Variants in BRD8 observed in about 807,000 individuals in gnomAD.
The protein encoded by BRD8 is bromodomain containing 8.
A neutral mutation model predicts 143.1 loss-of-function variants in BRD8; 67 were observed. The observed-to-expected ratio is 0.47, with a 90% CI of 0.38 to 0.57. BRD8 has a LOEUF of 0.57. Ranked by LOEUF, BRD8 falls within the 20% of genes least tolerant of loss-of-function variation. BRD8 has a pLI of 0.00. For missense variants in BRD8, 1,103 were observed against 1,503.0 expected, an observed-to-expected ratio of 0.73 and a Z score of 4.40; for synonymous variants, 505 against 517.1, an observed-to-expected ratio of 0.98 and a Z score of 0.32.
chr5:138,163,557 TA>T, intron 14 of BRD8: 1 of 1,473,028 alleles, frequency 6.8e-7, no homozygotes, highest in Non-Finnish European at 9.0e-7. Context: ...CAGGATCTTT[TA>T]AAAAGAAAGA....
chr5:138,161,587 G>A (rs1258677919), intron 17 of BRD8, among the ~76,000 whole-genome samples: 2 of 152,186 alleles, frequency 1.3e-5, no homozygotes, highest in African/African-American at 2.4e-5. Flanking sequence ...AAAGATTACA[G>A]GCGTGAGCCA....
Position 138,150,962 on chromosome 5 carries a change from C to T in BRD8, c.2903G>A (p.Ser968Asn), listed in dbSNP as rs761468751. The T allele has an allele frequency of 1.2e-6, 2 of 1,614,064 alleles. No homozygotes were observed. Among genetic ancestry groups the T allele is most frequent in the South Asian group, 1.1e-5 (1 of 91,068 alleles). Residue 968 changes from serine to asparagine, a missense_variant, in exon 22 of 27, where the codon AGT (serine) becomes AAT (asparagine). By Grantham distance (46) the Ser-to-Asn change is conservative. Coordinates refer to ENST00000254900, the MANE Select transcript of BRD8 (RefSeq NM_139199.2). Reference protein sequence around the residue: ...EPLCISSNESSEGCCPPSGTR... With the variant: ...EPLCISSNESNEGCCPPSGTR... ...ACCAGATGGAGGGCAGCAGCCTTCA[C>T]TTGATTCGTTGCTGCTGATGCACAA...
intron 25 of BRD8, among the ~76,000 whole-genome samples, chr5:138,142,612 A>C (rs1407732445): frequency 6.6e-6 from 1 of 151,798 alleles, no homozygotes; most frequent in Non-Finnish European, 1.5e-5. Flanking sequence ...AAAATACAAA[A>C]ATTAGCTGGG....
chr5:138,157,256 G>C, intron 20 of BRD8: 1 of 1,613,746 alleles, frequency 6.2e-7, no homozygotes, highest in Non-Finnish European at 8.5e-7. Flanking sequence ...GGCGTCCCCT[G>C]GTTCCTCCAT....
intron 5 of BRD8, 24 bp from the exon 6 acceptor site, chr5:138,170,936 T>G: frequency 6.2e-7 from 1 of 1,613,140 alleles, no homozygotes; most frequent in Non-Finnish European, 8.5e-7. Flanking sequence ...GAGAGGTAGG[T>G]AGACTGGGTT....
At chr5:138,150,197 A>C (rs1003492557) in intron 22 of BRD8, among the ~76,000 whole-genome samples, 3 of 148,214 alleles carry the variant, frequency 2.0e-5, no homozygotes, top group Non-Finnish European at 3.0e-5. Flanking sequence ...GGCTCACTGC[A>C]GCCTTGCACT....
intron 20 of BRD8, chr5:138,157,377 G>C: frequency 7.0e-7 from 1 of 1,431,546 alleles, no homozygotes; most frequent in Non-Finnish European, 9.7e-7. Context: ...AAGAGAATCA[G>C]CAGAAAAATC....
At position 138,165,065 on chromosome 5, in the gene BRD8, C is replaced by A. The variant is rs759369902; in HGVS notation, c.1380G>T (p.Glu460Asp). Residue 460 changes from glutamate (E) to aspartate (D), a missense_variant, in exon 12 of 27, where the codon GAG becomes GAT. Transcript: ENST00000254900. Reference sequence around the variant, plus strand: ...TGTCCCGCTCCTGCTGGATAGGATGCTCCCAGGGGCCAGGCAGGGACTGAG... The same window carrying A: ...TGTCCCGCTCCTGCTGGATAGGATGATCCCAGGGGCCAGGCAGGGACTGAG... ...DDPQSLPGPWEHPIQQERDKP... is the reference protein window; with the variant it reads ...DDPQSLPGPWDHPIQQERDKP... 6.2e-7 allele frequency: 1 copy of A among 1,614,112 alleles called. No homozygotes were observed. Among genetic ancestry groups the A allele is most frequent in the East Asian group, 2.2e-5 (1 of 44,880 alleles).
intron 20 of BRD8, chr5:138,156,886 GT>G (rs149061975): frequency 1.2e-4 from 115 of 996,104 alleles, no homozygotes; most frequent in South Asian, 4.8e-4. Flanking sequence ...CCAAAGGCTA[GT>G]TTTTTTTTTC....
chr5:138,145,040 ATAACTT>A, intron 25 of BRD8, 131 bp downstream of exon 25: 1 of 892,080 alleles, frequency 1.1e-6, no homozygotes, highest in Non-Finnish European at 1.8e-6. Context: ...TGAGCTCATC[ATAACTT>A]TATAAACTTG....
chr5:138,149,960 A>G (rs1752314050), intron 22 of BRD8, among the ~76,000 whole-genome samples, 163 bp from the exon 23 acceptor site: 1 of 152,214 alleles, frequency 6.6e-6, no homozygotes, highest in African/African-American at 2.4e-5. Context: ...GATTTAAGTT[A>G]ATGAGTTCTT....
At chr5:138,162,777 G>A (rs891974114) in intron 15 of BRD8, among the ~76,000 whole-genome samples, 3 of 151,942 alleles carry the variant, frequency 2.0e-5, no homozygotes, top group African/African-American at 4.8e-5. Flanking sequence ...CAGGTGGAAC[G>A]CTTGAGCTCA....
intron 1 of BRD8, among the ~76,000 whole-genome samples, chr5:138,178,171 G>A (rs904334301): frequency 6.6e-6 from 1 of 152,124 alleles, no homozygotes; most frequent in African/African-American, 2.4e-5. Flanking sequence ...AAATCCCCGA[G>A]ATGCAATTTC....
At position 138,152,405 on chromosome 5, in the gene BRD8, G is replaced by C. The variant is rs187541202; in HGVS notation, c.2856+77C>G. 2.5e-4 allele frequency: 392 copies of C among 1,548,420 alleles called. 3 individuals carry two copies. The African/African-American group carries it at 4.8e-3, about 19-fold the overall frequency. On this transcript the variant is annotated intron_variant, in intron 21 of 26. Coordinates refer to ENST00000254900, the MANE Select transcript of BRD8 (RefSeq NM_139199.2). ...ATTTTAGTAAACAATATTAAGAGTG[G>C]TAGAAGCATGTAAGGATAAGCATTC...
At chr5:138,163,105 C>G (rs775455525) in intron 15 of BRD8, 25 bp downstream of exon 15, 1 of 1,608,712 alleles carries the variant, frequency 6.2e-7, no homozygotes, top group Non-Finnish European at 8.5e-7. Flanking sequence ...GCCTTGGCCT[C>G]AAAGAAAGAA....
chr5:138,144,917 A>AT (rs1561597976), intron 25 of BRD8, among the ~76,000 whole-genome samples: 108 of 125,644 alleles, frequency 8.6e-4, no homozygotes, highest in Middle Eastern at 4.4e-3. Flanking sequence ...AAAAAAAAAA[A>AT]AATATATATA....
At chr5:138,144,276 C>A (rs1238106331) in intron 25 of BRD8, among the ~76,000 whole-genome samples, 3 of 152,172 alleles carry the variant, frequency 2.0e-5, no homozygotes, top group African/African-American at 7.2e-5. Context: ...CAGCTTCACT[C>A]CTGAACTCAG....
rs1754556387 is a variant in BRD8, at chr5:138,178,579, C to T, written c.19+17G>A. The T allele has an allele frequency of 2.5e-6, 4 of 1,612,728 alleles. No homozygotes were observed. In the South Asian group the frequency reaches 4.4e-5, roughly 18 times the overall value. On this transcript the variant is annotated intron_variant, in intron 1 of 26. Coordinates refer to ENST00000254900, the MANE Select transcript of BRD8 (RefSeq NM_139199.2). Reference sequence around the variant, plus strand: ...ATCTACAAAGGCCTTTCACGCAAAACCTGCTCAGATACTCACTGCCCGTTC... The same window carrying T: ...ATCTACAAAGGCCTTTCACGCAAAATCTGCTCAGATACTCACTGCCCGTTC...
At chr5:138,152,863 AT>A in intron 20 of BRD8, 103 bp from the exon 21 acceptor site, 1 of 1,215,594 alleles carries the variant, frequency 8.2e-7, no homozygotes, top group South Asian at 1.5e-5. Context: ...CCAGAAATTT[AT>A]TTGTATTCAA....
Sources: allele counts gnomAD v4.1 joint callset (sites outside exome capture counted in the v4.1 genomes callset), GRCh38; gene constraint gnomAD v4.1.1; transcripts MANE v1.5; gene names NCBI Gene and HGNC (gene_info 2026-07-23, HGNC 2026-07-21).